EPHA5: variants seen among roughly 807,000 people sequenced by gnomAD.
EPHA5 encodes EPH receptor A5.
A neutral mutation model predicts 105.0 loss-of-function variants in EPHA5; 60 were observed. The observed-to-expected ratio is 0.57, with a 90% confidence interval of 0.46 to 0.71. The LOEUF (loss-of-function observed/expected upper bound fraction) is 0.71, where lower values mean the gene tolerates loss of function less well. Ranked by LOEUF, EPHA5 falls within the 30% of genes least tolerant of loss-of-function variation. EPHA5 has a pLI of 0.00. For synonymous variants in EPHA5, 513 were observed against 449.1 expected (o/e 1.14, Z -1.80); for missense variants, 1,218 against 1,274.7 (o/e 0.96, Z 0.68).
intron 3 of EPHA5, among the ~76,000 whole-genome samples, chr4:65,534,069 T>C (rs143143783): frequency 0.011 from 1,676 of 152,266 alleles, 13 homozygotes; most frequent in Non-Finnish European, 0.018. Flanking sequence ...CTAATAAAAC[T>C]AAGATAATTA....
chr4:65,571,684 G>T (rs905246941), intron 3 of EPHA5, among the ~76,000 whole-genome samples: 1 of 151,896 alleles, frequency 6.6e-6, no homozygotes, highest in Admixed American at 6.6e-5. Flanking sequence ...TAGGTCTTAC[G>T]TATGTTTTAC....
chr4:65,476,039 T>C (rs887680318), intron 5 of EPHA5, among the ~76,000 whole-genome samples: 39 of 151,328 alleles, frequency 2.6e-4, no homozygotes, highest in Middle Eastern at 3.4e-3. Context: ...ATATCAGAAC[T>C]TCCTACAAAT....
At chr4:65,394,800 C>T (rs1363978961) in intron 8 of EPHA5, among the ~76,000 whole-genome samples, 2 of 152,008 alleles carry the variant, frequency 1.3e-5, no homozygotes, top group Admixed American at 6.6e-5. Context: ...ACCTTTAGAA[C>T]ATTGCCTAGT....
chr4:65,541,381 G>T (rs1736815221), intron 3 of EPHA5, among the ~76,000 whole-genome samples: 1 of 151,848 alleles, frequency 6.6e-6, no homozygotes, highest in South Asian at 2.1e-4. Context: ...TCACACATAG[G>T]TTCAAAATAA....
rs373390803 is a variant in EPHA5, at chr4:65,599,201, T to C, written c.910+2440A>G. 2.8e-4 allele frequency among the ~76,000 whole-genome samples: 42 copies of C among 152,106 alleles called. No homozygotes were observed. In the Middle Eastern group the frequency reaches 0.014, roughly 49 times the overall value. ...AACACTGTGATGGATTGGAACTGGA[T>C]AGTGAGTAGGAAAGAGATGAGAGAA... On this transcript the variant is annotated intron_variant, in intron 3 of 16. Coordinates refer to ENST00000613740, the MANE Select transcript of EPHA5 (RefSeq NM_001281766.3).
chr4:65,652,132 A>G (rs1421029773), intron 1 of EPHA5, among the ~76,000 whole-genome samples: 1 of 152,202 alleles, frequency 6.6e-6, no homozygotes, highest in Admixed American at 6.5e-5. Flanking sequence ...TACTTCACAT[A>G]AAGCAGCTTA....
intron 3 of EPHA5, among the ~76,000 whole-genome samples, chr4:65,515,507 A>G (rs774218649): frequency 1.3e-5 from 2 of 152,096 alleles, no homozygotes; most frequent in Non-Finnish European, 2.9e-5. Flanking sequence ...ATTTCTCTCA[A>G]CAATATTCTG....
intron 16 of EPHA5, among the ~76,000 whole-genome samples, chr4:65,325,142 G>A (rs1719954738): frequency 6.6e-6 from 1 of 151,126 alleles, no homozygotes; most frequent in Non-Finnish European, 1.5e-5. Context: ...GATTTCTCAA[G>A]GTAATTACCT....
chr4:65,484,525 C>T (rs1730690656), intron 5 of EPHA5, among the ~76,000 whole-genome samples: 1 of 152,124 alleles, frequency 6.6e-6, no homozygotes, highest in Admixed American at 6.6e-5. Context: ...TTTTGCTACC[C>T]ATAGCATGTC....
intron 14 of EPHA5, among the ~76,000 whole-genome samples, chr4:65,346,173 T>C (rs1179251481): frequency 6.6e-6 from 1 of 151,964 alleles, no homozygotes; most frequent in Non-Finnish European, 1.5e-5. Flanking sequence ...CCATCCAATG[T>C]ATCTTGCCAA....
At chr4:65,333,528 AGAGT>A (rs1468551122) in intron 15 of EPHA5, among the ~76,000 whole-genome samples, 5 of 96,044 alleles carry the variant, frequency 5.2e-5, no homozygotes, top group Non-Finnish European at 8.1e-5. Flanking sequence ...TGTGCGTGTG[AGAGT>A]GTGTGTCTGT....
chr4:65,638,722 A>T (rs1265676889), intron 2 of EPHA5, among the ~76,000 whole-genome samples: 1 of 152,122 alleles, frequency 6.6e-6, no homozygotes, highest in African/African-American at 2.4e-5. Flanking sequence ...CTGGGCAACA[A>T]GAGTGAAACT....
At chr4:65,359,657 C>T (rs1014373529) in intron 11 of EPHA5, among the ~76,000 whole-genome samples, 1 of 151,474 alleles carries the variant, frequency 6.6e-6, no homozygotes, top group Non-Finnish European at 1.5e-5. Flanking sequence ...CTGTGATTGC[C>T]TTCAAAATAT....
chr4:65,523,711 T>C (rs1338135345), intron 3 of EPHA5, among the ~76,000 whole-genome samples: 1 of 151,968 alleles, frequency 6.6e-6, no homozygotes, highest in African/African-American at 2.4e-5. Flanking sequence ...ACATTTCAAA[T>C]AGCTTTGGTG....
intron 4 of EPHA5, among the ~76,000 whole-genome samples, chr4:65,493,637 T>C (rs1278377012): frequency 1.3e-5 from 2 of 152,156 alleles, no homozygotes; most frequent in African/African-American, 4.8e-5. Flanking sequence ...GCATACAAAT[T>C]AGTGCTCATT....
chr4:65,551,104 A>G (rs1164083643), intron 3 of EPHA5, among the ~76,000 whole-genome samples: 1 of 151,852 alleles, frequency 6.6e-6, no homozygotes, highest in East Asian at 1.9e-4. Flanking sequence ...ATATGTGTAT[A>G]TATGAAATAT....
intron 5 of EPHA5, among the ~76,000 whole-genome samples, chr4:65,462,760 A>G (rs1728249328): frequency 6.6e-6 from 1 of 152,184 alleles, no homozygotes; most frequent in African/African-American, 2.4e-5. Context: ...ACAACACTCC[A>G]TTAAACAAAT....
chr4:65,477,386 A>G lies in EPHA5; in HGVS notation c.1402+12991T>C, dbSNP rs150061210. 4.9e-3 allele frequency among the ~76,000 whole-genome samples: 742 copies of G among 151,844 alleles called. 8 individuals are homozygous for G. Among genetic ancestry groups the G allele is most frequent in the African/African-American group, 0.017 (712 of 41,404 alleles). On this transcript the variant is annotated intron_variant, in intron 5 of 16. Coordinates refer to ENST00000613740, the MANE Select transcript of EPHA5 (RefSeq NM_001281766.3). ...CTAGATCTGTGACCTTGGGGGAATC[A>G]CTTCATGTTTTTTGTTTGTTTTTTT...
intron 5 of EPHA5, among the ~76,000 whole-genome samples, chr4:65,459,250 G>C (rs1461746736): frequency 2.6e-5 from 4 of 151,948 alleles, no homozygotes. Flanking sequence ...ATGGGCTTCA[G>C]TTTAAATTTT....
Sources: gnomAD v4.1 joint callset for allele counts (sites outside exome capture counted in the v4.1 genomes callset) on GRCh38, gnomAD v4.1.1 for gene constraint, MANE v1.5 for transcripts, NCBI Gene and HGNC (gene_info 2026-07-23, HGNC 2026-07-21) for gene names.